The following HIVEP3 variants were observed in gnomAD, a reference collection of about 807,000 sequenced individuals.
The protein encoded by HIVEP3 is transcription factor HIVEP3.
HIVEP3 carries 49 observed loss-of-function variants against 152.8 expected under a neutral mutation model. The ratio of observed to expected loss-of-function variants is 0.32; its 90% CI spans 0.26 to 0.41. HIVEP3 has a LOEUF of 0.41. Ranked by LOEUF, HIVEP3 falls within the 10% of genes least tolerant of loss-of-function variation. The probability of loss-of-function intolerance (pLI) is 1.00; values close to 1 mark genes in which losing one functional copy is unlikely to be tolerated. For missense variants in HIVEP3, 2,790 were observed against 3,103.3 expected, an observed-to-expected ratio of 0.90 and a Z score of 2.40; for synonymous variants, 1,269 against 1,289.0, an observed-to-expected ratio of 0.98 and a Z score of 0.33.
In HIVEP3 at chr1:41,507,910, A is replaced by C. The variant is rs1460041181; in HGVS notation, c.*2541T>G. On this transcript the variant is annotated 3_prime_UTR_variant, in exon 9 of 9. Transcript: ENST00000372583. ...GGAGGCAGCCCTTTGGTGAGATTCTATTTGTGCATTTACCCCCATCATTTA... is the reference window on the plus strand; with the variant it reads ...GGAGGCAGCCCTTTGGTGAGATTCTCTTTGTGCATTTACCCCCATCATTTA... 1 of 152,208 alleles carries C rather than the reference A, an allele frequency of 6.6e-6. No homozygotes were observed. The highest frequency in any genetic ancestry group is 1.5e-5 in the Non-Finnish European group (1 of 68,092). The allele number at this position is 152,208 out of a possible 1,614,324, so 9.4% of individuals were successfully genotyped here.
chr1:42,026,018 C>T (rs562226161), intron 1 of HIVEP3, among the ~76,000 whole-genome samples: 2 of 151,678 alleles, frequency 1.3e-5, no homozygotes, highest in South Asian at 2.1e-4. Context: ...TGCAGTGAGC[C>T]GTGATCGTGG....
intron 1 of HIVEP3, among the ~76,000 whole-genome samples, chr1:41,711,712 T>A (rs1302211970): frequency 6.6e-6 from 1 of 152,196 alleles, no homozygotes; most frequent in Non-Finnish European, 1.5e-5. Context: ...GAGCTGGCTG[T>A]CTCCCGATGC....
intron 5 of HIVEP3, among the ~76,000 whole-genome samples, chr1:41,527,622 ACACTCG>A (rs1385604456): frequency 5.0e-5 from 5 of 100,128 alleles, no homozygotes; most frequent in Non-Finnish European, 9.9e-5. Context: ...CCCCACCCTC[ACACTCG>A]CACTCCACAT....
intron 6 of HIVEP3, among the ~76,000 whole-genome samples, chr1:41,519,086 C>A (rs988382058): frequency 5.9e-5 from 9 of 152,310 alleles, no homozygotes; most frequent in African/African-American, 2.2e-4. Flanking sequence ...GGGAAGTCTA[C>A]TAGCCAGGGA....
At chr1:41,634,121 TAAAA>T (rs11337584) in intron 2 of HIVEP3, among the ~76,000 whole-genome samples, 1 of 142,008 alleles carries the variant, frequency 7.0e-6, no homozygotes, top group African/African-American at 2.6e-5. Context: ...CATCTTTTCT[TAAAA>T]AAAAAAAAAA....
intron 5 of HIVEP3, among the ~76,000 whole-genome samples, chr1:41,536,339 G>A (rs113272214): frequency 2.0e-5 from 3 of 152,150 alleles, no homozygotes; most frequent in Non-Finnish European, 4.4e-5. Flanking sequence ...CTCAGGACAC[G>A]TCCAGCACAC....
At chr1:41,668,547 C>T (rs186097068) in intron 2 of HIVEP3, among the ~76,000 whole-genome samples, 144 of 152,336 alleles carry the variant, frequency 9.5e-4, no homozygotes, top group African/African-American at 3.4e-3. Context: ...GGCCAGACAG[C>T]TCACTAGTCC....
At chr1:41,934,271 A>G (rs1645009169) in intron 1 of HIVEP3, among the ~76,000 whole-genome samples, 1 of 152,136 alleles carries the variant, frequency 6.6e-6, no homozygotes, top group African/African-American at 2.4e-5. Context: ...CGCTTCTACT[A>G]GAGTTCATTA....
At chr1:41,826,634 G>T (rs1027689634) in intron 1 of HIVEP3, among the ~76,000 whole-genome samples, 1 of 152,220 alleles carries the variant, frequency 6.6e-6, no homozygotes, top group Non-Finnish European at 1.5e-5. Context: ...AAGGCCCAGT[G>T]GCCAGGCTTT....
chr1:41,731,070 C>T (rs150556179), intron 1 of HIVEP3, among the ~76,000 whole-genome samples: 2 of 152,268 alleles, frequency 1.3e-5, no homozygotes, highest in African/African-American at 4.8e-5. Context: ...AAGGAACTCA[C>T]TACCTCCTAG....
In HIVEP3 at chr1:41,580,515, C is replaced by T. The variant is rs1378636724; in HGVS notation, c.4283G>A (p.Ser1428Asn). 9.9e-6 allele frequency: 16 copies of T among 1,614,218 alleles called. No individual in the cohort carries two copies. The highest frequency in any genetic ancestry group is 1.3e-5 in the Non-Finnish European group (15 of 1,180,046). Residue 1428 changes from serine (S) to asparagine (N), a missense_variant, in exon 4 of 9, where the codon AGC becomes AAC. Physicochemically the swap from Ser to Asn is conservative, Grantham distance 46 (BLOSUM62 1). Transcript: ENST00000372583. ...LEGSSSTAGG[S>N]KRVLSPAGSL... The stretch of plus-strand genomic sequence containing the variant: ...GCCAGCTGGTGAAAGGACACGTTTG[C>T]TTCCCCCTGCTGTTGATGAACTCCC...
At chr1:41,833,804 T>A (rs1291365623) in intron 1 of HIVEP3, among the ~76,000 whole-genome samples, 1 of 152,200 alleles carries the variant, frequency 6.6e-6, no homozygotes, top group Non-Finnish European at 1.5e-5. Flanking sequence ...CTCATCTGGA[T>A]AATAACTAAC....
intron 2 of HIVEP3, among the ~76,000 whole-genome samples, chr1:41,642,823 C>T (rs1437970991): frequency 6.6e-6 from 1 of 152,188 alleles, no homozygotes; most frequent in Non-Finnish European, 1.5e-5. Flanking sequence ...CTCGGTTCTT[C>T]TTGAGGGACC....
intron 5 of HIVEP3, among the ~76,000 whole-genome samples, chr1:41,575,104 G>A (rs1644307240): frequency 6.6e-6 from 1 of 152,234 alleles, no homozygotes; most frequent in South Asian, 2.1e-4. Flanking sequence ...CAGCCTAGTC[G>A]GCTGAGCCCA....
At chr1:41,633,319 A>C (rs952795823) in intron 2 of HIVEP3, among the ~76,000 whole-genome samples, 1 of 152,202 alleles carries the variant, frequency 6.6e-6, no homozygotes, top group African/African-American at 2.4e-5. Context: ...AGGAAATCTA[A>C]TCAGAGCGAA....
At chr1:41,974,484 C>T (rs1438466727) in intron 1 of HIVEP3, among the ~76,000 whole-genome samples, 3 of 137,932 alleles carry the variant, frequency 2.2e-5, no homozygotes, top group South Asian at 4.8e-4. Context: ...CACTCCACCC[C>T]CTACACACAC....
chr1:41,990,719 C>A (rs1317082585), intron 1 of HIVEP3, among the ~76,000 whole-genome samples: 6 of 150,150 alleles, frequency 4.0e-5, no homozygotes, highest in African/African-American at 7.3e-5. Context: ...CACCACACCA[C>A]ACCTATTCCA....
intron 1 of HIVEP3, among the ~76,000 whole-genome samples, chr1:41,878,872 C>T (rs1335561734): frequency 1.4e-5 from 2 of 145,286 alleles, no homozygotes; most frequent in African/African-American, 5.0e-5. Flanking sequence ...CTCCCTCCCT[C>T]CCTCCCCTCC....
chr1:42,003,470 C>G (rs1374294780), intron 1 of HIVEP3, among the ~76,000 whole-genome samples: 1 of 152,132 alleles, frequency 6.6e-6, no homozygotes, highest in Non-Finnish European at 1.5e-5. Flanking sequence ...TCCAAAGCAC[C>G]CTGTCCTTTA....
Sources: allele counts gnomAD v4.1 joint callset (sites outside exome capture counted in the v4.1 genomes callset), GRCh38; gene constraint gnomAD v4.1.1; transcripts MANE v1.5; gene names NCBI Gene and HGNC (gene_info 2026-07-23, HGNC 2026-07-21).